INSL6: variants seen among roughly 807,000 people sequenced by gnomAD.
INSL6 encodes the protein insulin like 6.
Under a neutral mutation model 9.4 loss-of-function variants are expected in INSL6, and 16 were observed. The ratio of observed to expected loss-of-function variants is 1.70; its 90% confidence interval spans 1.15 to 2.59. The LOEUF is 2.59. Ranked by LOEUF, INSL6 falls within the 30% of genes most tolerant of loss-of-function variation. The pLI is 0.00. For missense variants in INSL6, 391 were observed against 257.3 expected (o/e 1.52, Z -3.56); for synonymous variants, 154 against 96.9 (o/e 1.59, Z -3.46).
intron 1 of INSL6, among the ~76,000 whole-genome samples, chr9:5,183,651 T>TTA (rs1554692844): frequency 6.6e-6 from 1 of 152,108 alleles, no homozygotes; most frequent in Non-Finnish European, 1.5e-5. Context: ...GACTACAGTA[T>TTA]TATAGCATAG....
chr9:5,164,290 G>C (rs1458879204), intron 1 of INSL6, 25 bp from the exon 2 acceptor site: 2 of 1,431,036 alleles, frequency 1.4e-6, no homozygotes, highest in South Asian at 1.2e-5. Context: ...GAAAATAAAT[G>C]CTCCTTTATT....
intron 3 of INSL6, among the ~76,000 whole-genome samples, chr9:5,128,748 C>T (rs538012537): frequency 3.3e-5 from 5 of 151,926 alleles, no homozygotes; most frequent in South Asian, 4.2e-4. Context: ...TAAAGTTTTC[C>T]ATTTTGATTC....
At position 5,163,993 on chromosome 9, in the gene INSL6, G is replaced by C. The variant is rs180824328; in HGVS notation, c.562C>G (p.Leu188Val). The part of the protein sequence containing the change: ...CCLTGCTKEE[L>V]SIACLPYIDF... ...ATATATGGAAGACATGCAATGCTAAGTTCTTCTTTTGTACATCCTGTAAGA... is the reference window on the plus strand; with the variant it reads ...ATATATGGAAGACATGCAATGCTAACTTCTTCTTTTGTACATCCTGTAAGA... Residue 188 changes from leucine to valine, a missense_variant, in exon 2 of 2, where the codon CTT (leucine) becomes GTT (valine). Physicochemically the swap from Leu to Val is conservative, Grantham distance 32. Coordinates refer to ENST00000381641, the MANE Select transcript of INSL6 (RefSeq NM_007179.3). 4.6e-5 allele frequency: 74 copies of C among 1,612,860 alleles called. No individual in the cohort carries two copies. Among genetic ancestry groups the C allele is most frequent in the Non-Finnish European group, 1.7e-6 (2 of 1,179,720 alleles).
downstream of INSL6, among the ~76,000 whole-genome samples, chr9:5,159,780 A>G (rs1280123538): frequency 6.6e-6 from 1 of 152,240 alleles, no homozygotes. Flanking sequence ...CTTAATCTGC[A>G]CTATAGAACA....
the INSL6 span, among the ~76,000 whole-genome samples, chr9:5,036,614 G>T: frequency 1.3e-5 from 2 of 152,118 alleles, no homozygotes; most frequent in African/African-American, 2.4e-5. Flanking sequence ...AATGGGGAAA[G>T]GATTCCCTAT....
chr9:5,155,063 T>C (rs1824789033), intron 2 of INSL6, among the ~76,000 whole-genome samples: 1 of 151,562 alleles, frequency 6.6e-6, no homozygotes, highest in Admixed American at 6.6e-5. Context: ...TAGCAAAGAC[T>C]TGGAACCAAG....
At chr9:5,009,641 C>G in the INSL6 span, among the ~76,000 whole-genome samples, 5 of 152,234 alleles carry the variant, frequency 3.3e-5, no homozygotes, top group East Asian at 9.6e-4. Context: ...ATTCCTACAA[C>G]CCCTGCCCCA....
the INSL6 span, among the ~76,000 whole-genome samples, chr9:5,087,178 G>A: frequency 1.3e-5 from 2 of 152,178 alleles, no homozygotes; most frequent in African/African-American, 2.4e-5. Flanking sequence ...AATTTATAAA[G>A]GAAAGAGGTT....
intron 2 of INSL6, among the ~76,000 whole-genome samples, chr9:5,146,805 G>A (rs1824608504): frequency 6.6e-6 from 1 of 152,180 alleles, no homozygotes; most frequent in Non-Finnish European, 1.5e-5. Context: ...GATGAAATGT[G>A]TGGGCTGGTA....
At chr9:5,058,389 G>A in the INSL6 span, among the ~76,000 whole-genome samples, 2 of 152,086 alleles carry the variant, frequency 1.3e-5, no homozygotes, top group African/African-American at 4.8e-5. Context: ...AGTGTCCAGG[G>A]GAAAGTGCCA....
the INSL6 span, among the ~76,000 whole-genome samples, chr9:5,077,919 C>G: frequency 2.0e-5 from 3 of 152,074 alleles, no homozygotes; most frequent in Non-Finnish European, 4.4e-5. Flanking sequence ...CATGAGAAAG[C>G]GGTGTTGACA....
the INSL6 span, chr9:5,068,898 A>T: frequency 2.0e-5 from 12 of 587,214 alleles, no homozygotes; most frequent in Admixed American, 1.3e-4. Flanking sequence ...TACTGGCACT[A>T]CATCGGATTC....
intron 2 of INSL6, among the ~76,000 whole-genome samples, chr9:5,150,081 A>T (rs1036710881): frequency 9.2e-5 from 14 of 152,200 alleles, no homozygotes; most frequent in Non-Finnish European, 1.6e-4. Flanking sequence ...TCTCTCACCA[A>T]ATACAAAAAT....
At chr9:5,063,010 T>C in the INSL6 span, among the ~76,000 whole-genome samples, 2 of 152,190 alleles carry the variant, frequency 1.3e-5, no homozygotes, top group Admixed American at 6.5e-5. Context: ...TAATTTTGTT[T>C]AGGATACCTT....
At chr9:5,013,726 G>A in the INSL6 span, among the ~76,000 whole-genome samples, 58 of 152,088 alleles carry the variant, frequency 3.8e-4, 1 homozygote, top group East Asian at 9.6e-3. Context: ...ACCTTTCTTT[G>A]TTTTAAATAA....
chr9:5,122,940 C>A, downstream of INSL6: 2 of 932,134 alleles, frequency 2.1e-6, no homozygotes, highest in South Asian at 1.7e-5. Context: ...CAATGATTTG[C>A]AGGTAAAATC....
intron 1 of INSL6, among the ~76,000 whole-genome samples, chr9:5,166,722 T>A (rs1351307725): frequency 6.6e-6 from 1 of 152,136 alleles, no homozygotes; most frequent in Admixed American, 6.5e-5. Context: ...CACTTATTTT[T>A]AAAAAACAGT....
chr9:5,155,911 A>C (rs893585473), intron 2 of INSL6, among the ~76,000 whole-genome samples: 4 of 152,190 alleles, frequency 2.6e-5, no homozygotes, highest in Non-Finnish European at 4.4e-5. Context: ...TAGAACTTAA[A>C]GTATAATTTA....
the INSL6 span, chr9:5,114,466 C>T: frequency 2.1e-6 from 1 of 470,624 alleles, no homozygotes. Flanking sequence ...CAGTCCACGA[C>T]CAAGATCAGC....
Sources: gnomAD v4.1 joint callset for allele counts (sites outside exome capture counted in the v4.1 genomes callset) on GRCh38, gnomAD v4.1.1 for gene constraint, MANE v1.5 for transcripts, NCBI Gene and HGNC (gene_info 2026-07-23, HGNC 2026-07-21) for gene names.